ACYP2: variants seen among roughly 807,000 people sequenced by gnomAD.
ACYP2 encodes acylphosphatase 2.
A neutral mutation model predicts 11.2 loss-of-function variants in ACYP2; 12 were observed. The ratio of observed to expected loss-of-function variants is 1.08; its 90% confidence interval spans 0.69 to 1.74. ACYP2 has a LOEUF of 1.74. ACYP2 is among the 40% of genes most tolerant of loss of function. The pLI, the probability that ACYP2 is intolerant of heterozygous loss-of-function variation, is 0.00. For missense variants in ACYP2, 134 were observed against 101.9 expected (o/e 1.31, Z -1.35); for synonymous variants, 43 against 32.2 (o/e 1.33, Z -1.13).
At chr2:54,192,795 G>A (rs960607749) in intron 6 of ACYP2, among the ~76,000 whole-genome samples, 2 of 152,122 alleles carry the variant, frequency 1.3e-5, no homozygotes, top group Admixed American at 6.5e-5. Flanking sequence ...CAATCATGGT[G>A]GAAGGCACCC....
intron 4 of ACYP2, 43 bp from the exon 2 acceptor site, chr2:54,135,410 A>G (rs1681163234): frequency 1.3e-6 from 2 of 1,591,670 alleles, no homozygotes; most frequent in South Asian, 1.1e-5. Context: ...AACCTTTTAA[A>G]GGAGGACAAG....
At chr2:54,039,015 C>G (rs1223531838) in intron 2 of ACYP2, among the ~76,000 whole-genome samples, 3 of 151,612 alleles carry the variant, frequency 2.0e-5, no homozygotes, top group Admixed American at 6.6e-5. Context: ...GGAAGAACAT[C>G]CCAGGAACAG....
intron 4 of ACYP2, among the ~76,000 whole-genome samples, chr2:54,062,269 G>A (rs981024041): frequency 1.3e-5 from 2 of 152,086 alleles, no homozygotes; most frequent in Admixed American, 6.6e-5. Flanking sequence ...ACGGCTCAGG[G>A]GCTTCTCTAA....
chr2:53,971,772 A>C (rs10184954), intron 1 of ACYP2, among the ~76,000 whole-genome samples: 1 of 152,220 alleles, frequency 6.6e-6, no homozygotes, highest in African/African-American at 2.4e-5. Flanking sequence ...AATTTAAGCT[A>C]TGAAGGTTGA....
intron 6 of ACYP2, among the ~76,000 whole-genome samples, chr2:54,256,528 T>C (rs1002591345): frequency 1.3e-5 from 2 of 152,252 alleles, no homozygotes; most frequent in Non-Finnish European, 2.9e-5. Flanking sequence ...ATTTTTCATA[T>C]GGATTTGTAG....
At chr2:54,227,943 C>T (rs1027333736) in intron 6 of ACYP2, among the ~76,000 whole-genome samples, 1 of 152,206 alleles carries the variant, frequency 6.6e-6, no homozygotes, top group South Asian at 2.1e-4. Context: ...ACTTTCAAAT[C>T]ATCTTCTCAG....
chr2:54,230,528 G>A (rs889787856), intron 6 of ACYP2, among the ~76,000 whole-genome samples: 28 of 151,900 alleles, frequency 1.8e-4, no homozygotes, highest in African/African-American at 6.3e-4. Context: ...GGCCACACCC[G>A]GCTAATTTTG....
intron 6 of ACYP2, among the ~76,000 whole-genome samples, chr2:54,302,553 G>A (rs773996068): frequency 6.6e-6 from 1 of 152,126 alleles, no homozygotes; most frequent in Non-Finnish European, 1.5e-5. Context: ...GATGATCCCA[G>A]CCAATCTTAT....
chr2:54,101,059 A>G (rs1331043812), intron 4 of ACYP2, among the ~76,000 whole-genome samples: 1 of 152,182 alleles, frequency 6.6e-6, no homozygotes, highest in Non-Finnish European at 1.5e-5. Flanking sequence ...AGTTGCCCCC[A>G]TAGTGCTCAC....
At chr2:54,096,978 A>G (rs558532519) in intron 4 of ACYP2, among the ~76,000 whole-genome samples, 128 of 152,364 alleles carry the variant, frequency 8.4e-4, no homozygotes, top group African/African-American at 2.8e-3. Flanking sequence ...TCAAAGTGCT[A>G]GCCTTACAGG....
intron 2 of ACYP2, among the ~76,000 whole-genome samples, chr2:53,988,102 C>G (rs1270900076): frequency 6.6e-6 from 1 of 152,036 alleles, no homozygotes; most frequent in Non-Finnish European, 1.5e-5. Flanking sequence ...TGGTGTTGCG[C>G]ACCTGTAATC....
intron 6 of ACYP2, among the ~76,000 whole-genome samples, chr2:54,188,894 T>G (rs1558598651): frequency 6.6e-6 from 1 of 152,182 alleles, no homozygotes; most frequent in Non-Finnish European, 1.5e-5. Flanking sequence ...TTCTCCTGTT[T>G]CTGCAGACAA....
rs150603430 is a variant in ACYP2 at position 54,279,117 on chromosome 2, G to A, written c.405-25571G>A. On this transcript the variant is annotated intron_variant, in intron 6 of 6. Coordinates refer to ENST00000607452, the MANE Select transcript of ACYP2 (RefSeq NM_001320586.2). Reference sequence around the variant, plus strand: ...AAGTATATTTAAAAACTAATATGAAGTATATCAAGAATTTAAGAACTGCTG... The same window carrying A: ...AAGTATATTTAAAAACTAATATGAAATATATCAAGAATTTAAGAACTGCTG... 4.1e-3 allele frequency among the ~76,000 whole-genome samples: 621 copies of A among 152,284 alleles called. 7 individuals are homozygous for A. Among genetic ancestry groups the A allele is most frequent in the African/African-American group, 0.014 (581 of 41,564 alleles).
At chr2:54,272,077 C>A (rs1401671229) in intron 6 of ACYP2, among the ~76,000 whole-genome samples, 1 of 152,162 alleles carries the variant, frequency 6.6e-6, no homozygotes, top group African/African-American at 2.4e-5. Flanking sequence ...ACCTTCTTTT[C>A]ATGGATCAAG....
intron 2 of ACYP2, among the ~76,000 whole-genome samples, chr2:54,002,675 G>T (rs1672859154): frequency 6.8e-6 from 1 of 147,280 alleles, no homozygotes; most frequent in African/African-American, 2.6e-5. Context: ...TTTTGAGACG[G>T]AGTTTCGCTC....
At chr2:54,067,468 T>C (rs1331525547) in intron 4 of ACYP2, among the ~76,000 whole-genome samples, 2 of 152,182 alleles carry the variant, frequency 1.3e-5, no homozygotes, top group Non-Finnish European at 2.9e-5. Context: ...TGGAAAAAAA[T>C]GTAACTTAAG....
At chr2:54,255,131 G>C (rs375090649) in intron 6 of ACYP2, 1 of 1,614,196 alleles carries the variant, frequency 6.2e-7, no homozygotes. Flanking sequence ...CGGTTCCTAT[G>C]AATGAAGGAC....
intron 6 of ACYP2, among the ~76,000 whole-genome samples, chr2:54,221,779 C>T (rs1167481570): frequency 6.6e-6 from 1 of 152,092 alleles, no homozygotes; most frequent in African/African-American, 2.4e-5. Flanking sequence ...GCCTCAGCCT[C>T]CCACAGTGCT....
chr2:54,204,288 C>A (rs764486404), intron 6 of ACYP2, among the ~76,000 whole-genome samples: 1 of 148,578 alleles, frequency 6.7e-6, no homozygotes, highest in South Asian at 2.2e-4. Context: ...CCACTGCGCC[C>A]GGCCATGGGA....
Sources: allele counts gnomAD v4.1 joint callset (sites outside exome capture counted in the v4.1 genomes callset), GRCh38; gene constraint gnomAD v4.1.1; transcripts MANE v1.5; gene names NCBI Gene and HGNC (gene_info 2026-07-23, HGNC 2026-07-21).